The following HIPK3 variants were observed in gnomAD, a reference collection of about 807,000 sequenced individuals.
The protein encoded by HIPK3 is homeodomain-interacting protein kinase 3.
HIPK3 carries 47 observed loss-of-function variants against 124.2 expected under a neutral mutation model. That is an observed-to-expected ratio of 0.38 (90% CI 0.30 to 0.48). The LOEUF (loss-of-function observed/expected upper bound fraction) is 0.48, where lower values mean the gene tolerates loss of function less well. Ranked by LOEUF, HIPK3 falls within the 20% of genes least tolerant of loss-of-function variation. The probability of loss-of-function intolerance (pLI) is 0.98; values close to 1 mark genes in which losing one functional copy is unlikely to be tolerated. For missense variants in HIPK3, 1,286 were observed against 1,454.3 expected, an observed-to-expected ratio of 0.88 and a Z score of 1.88; for synonymous variants, 482 against 515.2, an observed-to-expected ratio of 0.94 and a Z score of 0.87.
chr11:33,287,625 CAA>C, intron 2 of HIPK3, 114 bp downstream of exon 2: 1 of 1,143,660 alleles, frequency 8.7e-7, no homozygotes, highest in Non-Finnish European at 1.2e-6. Flanking sequence ...ATAAGGAAAT[CAA>C]GAGAGGATCA....
chr11:33,305,043 C>T (rs147776731), intron 2 of HIPK3, among the ~76,000 whole-genome samples: 20 of 152,302 alleles, frequency 1.3e-4, no homozygotes, highest in African/African-American at 4.6e-4. Context: ...CTCTGTCGCC[C>T]AGGCTGGAGT....
At position 33,278,602 on chromosome 11, in the gene HIPK3, A is replaced by G. The variant is rs372199169; in HGVS notation, c.-2-7811A>G. Among the ~76,000 whole-genome samples the G allele has an allele frequency of 6.2e-4, 95 of 152,330 alleles. 1 individual carries two copies. In the South Asian group the frequency reaches 0.016, roughly 25 times the overall value. On this transcript the variant is annotated intron_variant, in intron 1 of 16. Transcript: ENST00000303296. ...ACTGTACTTAATGTCACTGAACAGT[A>G]CATTTAAAATGATTTAAGATACACG... is the stretch of plus-strand genomic sequence containing the variant.
chr11:33,292,089 A>T (rs1851713915), intron 2 of HIPK3, among the ~76,000 whole-genome samples: 1 of 152,186 alleles, frequency 6.6e-6, no homozygotes. Flanking sequence ...GTACTTTATG[A>T]TGAAACACCG....
At chr11:33,306,884 A>G (rs1291375798) in intron 2 of HIPK3, among the ~76,000 whole-genome samples, 4 of 151,766 alleles carry the variant, frequency 2.6e-5, no homozygotes, top group Non-Finnish European at 5.9e-5. Flanking sequence ...GTTGCTTTTC[A>G]GGGAAGAATC....
Position 33,287,293 on chromosome 11 carries a change from C to A in HIPK3, c.879C>A (p.Pro293=). 6.2e-7 allele frequency: 1 copy of A among 1,614,040 alleles called. No homozygotes were observed. The change falls in exon 2 of 17, where the codon CCC becomes CCA. Residue 293 remains proline (P), a synonymous_variant. Transcript: ENST00000303296. ...YDFLKQNKFS[P]LPLKVIRPIL... ...TTCTGAAACAAAATAAATTTAGTCC[C>A]CTGCCACTAAAAGTGATTCGGCCCA...
Position 33,328,650 on chromosome 11 carries a change from A to G in HIPK3, c.1221+17A>G. On this transcript the variant is annotated intron_variant, in intron 3 of 16. Coordinates refer to ENST00000303296, the MANE Select transcript of HIPK3 (RefSeq NM_005734.5). The stretch of plus-strand genomic sequence containing the variant: ...TATGATCAGGTAACAAATAATGATA[A>G]TCTAATAGAATTGGTAAAAAGTAAA... 1 of 1,610,108 alleles carries G rather than the reference A, an allele frequency of 6.2e-7. No homozygotes were observed. Among genetic ancestry groups the G allele is most frequent in the Non-Finnish European group, 8.5e-7 (1 of 1,177,002 alleles).
At chr11:33,275,452 T>C (rs1208921155) in intron 1 of HIPK3, among the ~76,000 whole-genome samples, 1 of 152,188 alleles carries the variant, frequency 6.6e-6, no homozygotes, top group Non-Finnish European at 1.5e-5. Context: ...ATTAAACTCA[T>C]TTACTGTTCA....
intron 2 of HIPK3, among the ~76,000 whole-genome samples, chr11:33,299,698 A>G (rs541578254): frequency 3.0e-4 from 46 of 152,230 alleles, no homozygotes; most frequent in Admixed American, 6.5e-4. Context: ...TTCATGAAAG[A>G]GCAAATCAAT....
chr11:33,303,279 T>C (rs1406212415), intron 2 of HIPK3, among the ~76,000 whole-genome samples: 2 of 152,200 alleles, frequency 1.3e-5, no homozygotes, highest in African/African-American at 4.8e-5. Context: ...GTAAATACTT[T>C]GTAAACAGTT....
chr11:33,259,571 C>T (rs1278270834), intron 1 of HIPK3, among the ~76,000 whole-genome samples: 1 of 152,110 alleles, frequency 6.6e-6, no homozygotes, highest in Non-Finnish European at 1.5e-5. Flanking sequence ...AGTTTTAAGT[C>T]AATGAAATAT....
chr11:33,322,589 G>A (rs998638585), intron 2 of HIPK3, among the ~76,000 whole-genome samples: 2 of 152,100 alleles, frequency 1.3e-5, no homozygotes, highest in African/African-American at 4.8e-5. Context: ...ACTTCAGGAG[G>A]CCGAGGCAGG....
chr11:33,261,374 A>G (rs1850822951), intron 1 of HIPK3, among the ~76,000 whole-genome samples: 1 of 151,582 alleles, frequency 6.6e-6, no homozygotes, highest in African/African-American at 2.4e-5. Flanking sequence ...CTCATCCTCC[A>G]CCATCTGGTA....
chr11:33,273,441 G>T (rs556079473), intron 1 of HIPK3, among the ~76,000 whole-genome samples: 1 of 141,134 alleles, frequency 7.1e-6, no homozygotes, highest in African/African-American at 2.7e-5. Flanking sequence ...CCTGGGAGGC[G>T]GAGCTTGCAG....
intron 1 of HIPK3, among the ~76,000 whole-genome samples, chr11:33,267,183 C>T (rs1426773404): frequency 2.6e-5 from 4 of 150,974 alleles, no homozygotes; most frequent in Admixed American, 2.6e-4. Context: ...AGTGCAGTGG[C>T]GCGATCTGGG....
intron 2 of HIPK3, among the ~76,000 whole-genome samples, chr11:33,294,750 C>T (rs1415606981): frequency 1.3e-5 from 2 of 152,140 alleles, no homozygotes. Context: ...GGACTGCAGT[C>T]ATCAGCCACC....
chr11:33,319,779 T>A (rs369756141), intron 2 of HIPK3, among the ~76,000 whole-genome samples: 1 of 152,220 alleles, frequency 6.6e-6, no homozygotes, highest in Non-Finnish European at 1.5e-5. Flanking sequence ...AGAATTAAAG[T>A]TCTTGCCCCC....
intron 1 of HIPK3, among the ~76,000 whole-genome samples, chr11:33,269,427 T>C (rs931566454): frequency 2.6e-5 from 4 of 152,234 alleles, no homozygotes; most frequent in African/African-American, 7.2e-5. Context: ...GAATTGTGTT[T>C]TTCAACATCT....
At chr11:33,298,662 A>G (rs1175212262) in intron 2 of HIPK3, among the ~76,000 whole-genome samples, 3 of 152,204 alleles carry the variant, frequency 2.0e-5, no homozygotes, top group South Asian at 2.1e-4. Context: ...GTTGATTCCA[A>G]CCCTCATGGA....
At chr11:33,265,565 G>A (rs530182874) in intron 1 of HIPK3, among the ~76,000 whole-genome samples, 243 of 148,036 alleles carry the variant, frequency 1.6e-3, no homozygotes, top group African/African-American at 5.8e-3. Flanking sequence ...CTTGAGCACA[G>A]GAGTTCAAGA....
Sources: allele counts gnomAD v4.1 joint callset (sites outside exome capture counted in the v4.1 genomes callset), GRCh38; gene constraint gnomAD v4.1.1; transcripts MANE v1.5; gene names NCBI Gene and HGNC (gene_info 2026-07-23, HGNC 2026-07-21).